PHF20: variants seen among roughly 807,000 people sequenced by gnomAD.
PHF20 encodes glioma-expressed antigen 2.
PHF20 carries 23 observed loss-of-function variants against 113.5 expected under a neutral mutation model. That is an observed-to-expected ratio of 0.20 (90% CI 0.15 to 0.29). The LOEUF (loss-of-function observed/expected upper bound fraction) is 0.29. Ranked by LOEUF, PHF20 falls within the 10% of genes least tolerant of loss-of-function variation. The probability of loss-of-function intolerance (pLI) is 1.00; values close to 1 mark genes in which losing one functional copy is unlikely to be tolerated. For synonymous variants in PHF20, 434 were observed against 457.3 expected, an observed-to-expected ratio of 0.95 and a Z score of 0.65; for missense variants, 943 against 1,219.6, an observed-to-expected ratio of 0.77 and a Z score of 3.38.
intron 2 of PHF20, among the ~76,000 whole-genome samples, chr20:35,812,789 G>C (rs2146885382): frequency 6.6e-6 from 1 of 151,962 alleles, no homozygotes. Context: ...TAATCTGTGG[G>C]GATACTCTGG....
At chr20:35,876,535 C>A (rs2054525205) in intron 9 of PHF20, among the ~76,000 whole-genome samples, 3 of 152,046 alleles carry the variant, frequency 2.0e-5, no homozygotes, top group Non-Finnish European at 2.9e-5. Context: ...TGCGCCCCTG[C>A]ACCCAGCTTA....
intron 9 of PHF20, among the ~76,000 whole-genome samples, chr20:35,892,182 C>T (rs1017149727): frequency 3.3e-5 from 5 of 151,366 alleles, no homozygotes; most frequent in African/African-American, 7.3e-5. Flanking sequence ...TTCAGCCTCC[C>T]GAGTAGATGG....
chr20:35,798,089 T>G (rs1443327566), intron 1 of PHF20, among the ~76,000 whole-genome samples: 1 of 152,196 alleles, frequency 6.6e-6, no homozygotes, highest in Non-Finnish European at 1.5e-5. Context: ...ACCAATAACC[T>G]ATAACTTATT....
At chr20:35,871,555 T>C in intron 8 of PHF20, 95 bp from the exon 9 acceptor site, 1 of 1,040,056 alleles carries the variant, frequency 9.6e-7, no homozygotes, top group African/African-American at 1.6e-5. Flanking sequence ...TTCCTTCCTC[T>C]AAAAAGTCCC....
At chr20:35,946,770 C>A (rs1339403920) in intron 17 of PHF20, among the ~76,000 whole-genome samples, 1 of 150,974 alleles carries the variant, frequency 6.6e-6, no homozygotes, top group Non-Finnish European at 1.5e-5. Flanking sequence ...AGTGCAGTGG[C>A]ACGATCTCGG....
chr20:35,787,271 C>T (rs956257955), intron 1 of PHF20, among the ~76,000 whole-genome samples: 2 of 151,938 alleles, frequency 1.3e-5, no homozygotes, highest in Non-Finnish European at 2.9e-5. Context: ...CCTCTGCCTC[C>T]CAGGTTCAAG....
At chr20:35,890,775 C>T (rs1016144479) in intron 9 of PHF20, among the ~76,000 whole-genome samples, 2 of 152,082 alleles carry the variant, frequency 1.3e-5, no homozygotes, top group African/African-American at 4.8e-5. Flanking sequence ...CCTAGCTACT[C>T]GGGAGGCTGA....
chr20:35,879,846 G>A (rs1468086010), intron 9 of PHF20, among the ~76,000 whole-genome samples: 2 of 151,206 alleles, frequency 1.3e-5, no homozygotes, highest in East Asian at 1.9e-4. Flanking sequence ...CAAATTAGCC[G>A]GGTGTGGTGG....
At chr20:35,840,447 G>A (rs903960390) in intron 2 of PHF20, among the ~76,000 whole-genome samples, 3 of 152,108 alleles carry the variant, frequency 2.0e-5, no homozygotes, top group East Asian at 1.9e-4. Flanking sequence ...AGGATTTAAC[G>A]TGGGGAATTG....
At chr20:35,864,283 C>CATGAAG (rs1476930007) in intron 6 of PHF20, among the ~76,000 whole-genome samples, 2 of 152,020 alleles carry the variant, frequency 1.3e-5, no homozygotes, top group Non-Finnish European at 2.9e-5. Flanking sequence ...AAATACAAAA[C>CATGAAG]ATGAAGGCTG....
intron 13 of PHF20, among the ~76,000 whole-genome samples, chr20:35,921,244 G>A (rs905202533): frequency 6.6e-6 from 1 of 152,224 alleles, no homozygotes; most frequent in African/African-American, 2.4e-5. Flanking sequence ...ATAATACTGA[G>A]CTATCCTAGC....
At chr20:35,891,540 G>A (rs550066082) in intron 9 of PHF20, among the ~76,000 whole-genome samples, 1 of 152,254 alleles carries the variant, frequency 6.6e-6, no homozygotes, top group South Asian at 2.1e-4. Flanking sequence ...CTGAGAGACC[G>A]GGGTGAAGGC....
chr20:35,858,096 C>T (rs1301681141), intron 4 of PHF20, among the ~76,000 whole-genome samples: 3 of 151,992 alleles, frequency 2.0e-5, no homozygotes, highest in Non-Finnish European at 2.9e-5. Flanking sequence ...TTTCAATTTA[C>T]GTAGGTAGAA....
intron 13 of PHF20, among the ~76,000 whole-genome samples, chr20:35,927,052 AACTC>A (rs2055653966): frequency 6.6e-6 from 1 of 151,880 alleles, no homozygotes; most frequent in African/African-American, 2.4e-5. Flanking sequence ...CCTCATTGTC[AACTC>A]CCTCCTTTCC....
At chr20:35,855,140 C>T (rs928984917) in intron 4 of PHF20, 1 of 313,910 alleles carries the variant, frequency 3.2e-6, no homozygotes, top group East Asian at 1.3e-4. Flanking sequence ...AACTCCCATC[C>T]CCCCATCTCC....
At chr20:35,891,295 T>C (rs2054847340) in intron 9 of PHF20, among the ~76,000 whole-genome samples, 2 of 151,346 alleles carry the variant, frequency 1.3e-5, no homozygotes, top group Non-Finnish European at 2.9e-5. Flanking sequence ...AAGAATCGCT[T>C]GAACCCAGGA....
At chr20:35,875,404 G>GAA (rs112530486) in intron 9 of PHF20, among the ~76,000 whole-genome samples, 7,219 of 144,160 alleles carry the variant, frequency 0.05, 226 homozygotes, top group African/African-American at 0.1. Flanking sequence ...TCTCAAAAAA[G>GAA]AAAAAAAAAA....
intron 4 of PHF20, among the ~76,000 whole-genome samples, chr20:35,854,644 AAG>A (rs1385677976): frequency 1.7e-4 from 26 of 152,318 alleles, no homozygotes; most frequent in African/African-American, 6.3e-4. Context: ...TGGAAGTTAA[AAG>A]GATCAAAGAC....
chr20:35,774,917 C>T (rs752356417), intron 1 of PHF20: 7 of 152,138 alleles, frequency 4.6e-5, no homozygotes, highest in Non-Finnish European at 1.0e-4. Flanking sequence ...CATGAAAGCC[C>T]TAGAACTAAG....
Sources: gnomAD v4.1 joint callset for allele counts (sites outside exome capture counted in the v4.1 genomes callset) on GRCh38, gnomAD v4.1.1 for gene constraint, MANE v1.5 for transcripts, NCBI Gene and HGNC (gene_info 2026-07-23, HGNC 2026-07-21) for gene names.